Variants in DPP6 observed in about 807,000 individuals in gnomAD.
The protein encoded by DPP6 is dipeptidyl peptidase like 6.
DPP6 carries 69 observed loss-of-function variants against 122.6 expected under a neutral mutation model. That is an observed-to-expected ratio of 0.56 (90% CI 0.46 to 0.69). The LOEUF (loss-of-function observed/expected upper bound fraction) is 0.69, where lower values mean the gene tolerates loss of function less well. Ranked by LOEUF, DPP6 falls within the 30% of genes least tolerant of loss-of-function variation. The pLI, the probability that DPP6 is intolerant of heterozygous loss-of-function variation, is 0.00. For synonymous variants in DPP6, 418 were observed against 433.1 expected, an observed-to-expected ratio of 0.97 and a Z score of 0.43; for missense variants, 928 against 1,116.9, an observed-to-expected ratio of 0.83 and a Z score of 2.41.
chr7:153,827,013 T>A, the DPP6 span, among the ~76,000 whole-genome samples: 2 of 152,096 alleles, frequency 1.3e-5, no homozygotes, highest in African/African-American at 2.4e-5. Context: ...TTAACCTTTA[T>A]GACATTTTCT....
At chr7:153,935,758 C>T (rs899291486) in intron 1 of DPP6, among the ~76,000 whole-genome samples, 1 of 152,212 alleles carries the variant, frequency 6.6e-6, no homozygotes, top group Non-Finnish European at 1.5e-5. Context: ...CCCACCACCA[C>T]GCGCTGCTCT....
At chr7:154,597,964 T>C (rs2130763144) in intron 5 of DPP6, among the ~76,000 whole-genome samples, 1 of 152,332 alleles carries the variant, frequency 6.6e-6, no homozygotes, top group South Asian at 2.1e-4. Flanking sequence ...AGGATCTTTT[T>C]TAATGACCTC....
intron 1 of DPP6, among the ~76,000 whole-genome samples, chr7:154,024,189 C>G (rs1420971099): frequency 2.0e-5 from 3 of 152,198 alleles, no homozygotes; most frequent in Non-Finnish European, 2.9e-5. Context: ...AACGACTAAA[C>G]CTGGCAAATA....
At chr7:153,932,123 CTTTT>C (rs11342253) in intron 1 of DPP6, among the ~76,000 whole-genome samples, 1 of 135,710 alleles carries the variant, frequency 7.4e-6, no homozygotes, top group Non-Finnish European at 1.6e-5. Flanking sequence ...CATTTTGTGC[CTTTT>C]TTTTTTTTTT....
intron 1 of DPP6, among the ~76,000 whole-genome samples, chr7:154,079,025 G>A (rs1393569402): frequency 5.9e-5 from 9 of 151,396 alleles, no homozygotes; most frequent in Non-Finnish European, 1.2e-4. Context: ...TTGGGAGGCC[G>A]AGGTGGGTGT....
intron 1 of DPP6, among the ~76,000 whole-genome samples, chr7:154,198,894 C>T (rs1563307336): frequency 6.6e-6 from 1 of 152,168 alleles, no homozygotes; most frequent in Non-Finnish European, 1.5e-5. Context: ...AGTTTCCAGT[C>T]CATCTGAACC....
At chr7:154,607,719 T>G (rs1833643721) in intron 5 of DPP6, among the ~76,000 whole-genome samples, 1 of 118,572 alleles carries the variant, frequency 8.4e-6, no homozygotes, top group African/African-American at 2.7e-5. Context: ...TTTCTTTTCC[T>G]TATGATGTTT....
intron 8 of DPP6, among the ~76,000 whole-genome samples, chr7:154,768,627 C>T (rs932540143): frequency 8.5e-5 from 13 of 152,070 alleles, no homozygotes; most frequent in South Asian, 2.1e-4. Flanking sequence ...TTGAAAAAAA[C>T]GCTGTAGAAA....
chr7:154,838,971 A>C (rs1392258121), intron 16 of DPP6: 2 of 152,214 alleles, frequency 1.3e-5, no homozygotes, highest in African/African-American at 2.4e-5. Flanking sequence ...ATCTTTCTTG[A>C]AGGGTCTTCC....
chr7:154,769,773 G>T (rs577802101), intron 9 of DPP6, among the ~76,000 whole-genome samples: 1 of 152,190 alleles, frequency 6.6e-6, no homozygotes, highest in South Asian at 2.1e-4. Context: ...CTTCTTTTAG[G>T]TAACCGAACT....
At chr7:153,831,257 T>C in the DPP6 span, among the ~76,000 whole-genome samples, 1 of 152,206 alleles carries the variant, frequency 6.6e-6, no homozygotes, top group African/African-American at 2.4e-5. Context: ...CTCCCTATTT[T>C]CATAGCGTTA....
chr7:154,150,804 A>G (rs1210095263), intron 1 of DPP6, among the ~76,000 whole-genome samples: 1 of 152,206 alleles, frequency 6.6e-6, no homozygotes, highest in African/African-American at 2.4e-5. Context: ...GCAAAGTATC[A>G]GGAGCCTGGT....
At chr7:154,052,112 CGGGG>C (rs1254253225), upstream of DPP6, among the ~76,000 whole-genome samples, 5 of 106,616 alleles carry the variant, frequency 4.7e-5, no homozygotes, top group Admixed American at 1.8e-4. The surrounding 1 kb of genome is among the most constrained non-coding windows in gnomAD (Gnocchi z 4.8). Context: ...TCGCGTGCTG[CGGGG>C]CACTCGCAGC....
At chr7:154,584,692 G>T (rs140540956) in intron 5 of DPP6, among the ~76,000 whole-genome samples, 24 of 152,322 alleles carry the variant, frequency 1.6e-4, no homozygotes, top group African/African-American at 5.8e-4. Context: ...CATGTAAGAG[G>T]TCTGTTCTGT....
Position 154,877,507 on chromosome 7 carries a change from C to T in DPP6, c.2078+1407C>T, listed in dbSNP as rs1804987117. Among the ~76,000 whole-genome samples the T allele has an allele frequency of 2.0e-5, 3 of 152,012 alleles. No homozygotes were observed. Among genetic ancestry groups the T allele is most frequent in the Admixed American group, 2.0e-4 (3 of 15,256 alleles). The stretch of plus-strand genomic sequence containing the variant: ...TCTCAAGGTTGATGAATCCAGACAC[C>T]AACAATGTCACCAACGACCCAGGCT... On this transcript the variant is annotated intron_variant, in intron 20 of 25. Coordinates refer to ENST00000377770, the MANE Select transcript of DPP6 (RefSeq NM_130797.4). This position sits in a 1 kb window ranked among gnomAD's most constrained non-coding sequence, Gnocchi z 5.2.
Position 154,728,037 on chromosome 7 carries a change from A to C in DPP6, c.883+150A>C. The C allele has an allele frequency of 2.2e-6, 3 of 1,360,962 alleles. No homozygotes were observed. In the South Asian group the frequency reaches 4.9e-5, roughly 22 times the overall value. 84.3% of individuals were successfully genotyped at this position (1,360,962 alleles called of 1,614,324 possible). ...TGCAAAATTTAAAAGATTTTGTTAG[A>C]GCTTTTGGGATCAGGCTGATCAGCA... is the stretch of plus-strand genomic sequence containing the variant. On this transcript the variant is annotated intron_variant, in intron 8 of 25. Coordinates refer to ENST00000377770, the MANE Select transcript of DPP6 (RefSeq NM_130797.4).
At chr7:154,319,749 T>C (rs192513027) in intron 1 of DPP6, among the ~76,000 whole-genome samples, 185 of 151,874 alleles carry the variant, frequency 1.2e-3, no homozygotes, top group South Asian at 0.011. Flanking sequence ...TCCCAGCACT[T>C]TGGGATGCTG....
At chr7:154,176,800 G>A (rs961413084) in intron 1 of DPP6, among the ~76,000 whole-genome samples, 6 of 152,096 alleles carry the variant, frequency 3.9e-5, no homozygotes, top group African/African-American at 9.7e-5. Context: ...CCTTCCATTC[G>A]GGGACCTGTG....
At chr7:154,198,459 G>A (rs1798988431) in intron 1 of DPP6, among the ~76,000 whole-genome samples, 1 of 151,990 alleles carries the variant, frequency 6.6e-6, no homozygotes, top group Non-Finnish European at 1.5e-5. Flanking sequence ...TTGCAGGTGT[G>A]TGCCACCACA....
Sources: allele counts gnomAD v4.1 joint callset (sites outside exome capture counted in the v4.1 genomes callset), GRCh38; gene constraint gnomAD v4.1.1; non-coding constraint Gnocchi (gnomAD v3.1); transcripts MANE v1.5; gene names NCBI Gene and HGNC (gene_info 2026-07-23, HGNC 2026-07-21).